Variants in GALNT14 observed in about 807,000 individuals in gnomAD.
GALNT14 encodes UDP-GalNAc:polypeptide N-acetylgalactosaminyltransferase 14.
Under a neutral mutation model 77.5 loss-of-function variants are expected in GALNT14, and 60 were observed. The ratio of observed to expected loss-of-function variants is 0.77; its 90% CI spans 0.63 to 0.96. GALNT14 has a LOEUF of 0.96. GALNT14 is among the 40% of genes least tolerant of loss of function. GALNT14 has a pLI of 0.00. For synonymous variants in GALNT14, 280 were observed against 281.7 expected (o/e 0.99, Z 0.06); for missense variants, 710 against 731.0 (o/e 0.97, Z 0.33).
chr2:31,006,069 T>C (rs1670653265), intron 1 of GALNT14, among the ~76,000 whole-genome samples: 1 of 152,146 alleles, frequency 6.6e-6, no homozygotes, highest in Non-Finnish European at 1.5e-5. Flanking sequence ...TGGTCCCTTC[T>C]CCTCGTCTGA....
intron 1 of GALNT14, among the ~76,000 whole-genome samples, chr2:31,131,575 A>G (rs1158239439): frequency 6.6e-6 from 1 of 152,172 alleles, no homozygotes; most frequent in Admixed American, 6.5e-5. Context: ...GAAATGAAAC[A>G]AGGGCTCAAG....
chr2:31,078,940 C>T (rs1017321900), intron 1 of GALNT14: 9 of 1,289,162 alleles, frequency 7.0e-6, no homozygotes, highest in South Asian at 2.5e-5. Context: ...TCACTGGACA[C>T]GACTCATCTT....
rs1190235505 is a variant in GALNT14 at position 30,999,864 on chromosome 2, G to A, written c.130-6857C>T. Among the ~76,000 whole-genome samples the A allele has an allele frequency of 6.6e-5, 10 of 152,338 alleles. No homozygotes were observed. The East Asian group carries it at 9.6e-4, about 15-fold the overall frequency. ...TGGCACAGTCAGTGCAGGAGAACACGTAAAACCCTATCCAGGGCATTGCTG... is the reference window on the plus strand; with the variant it reads ...TGGCACAGTCAGTGCAGGAGAACACATAAAACCCTATCCAGGGCATTGCTG... On this transcript the variant is annotated intron_variant, in intron 1 of 14. Transcript: ENST00000349752.
chr2:30,993,170 A>G (rs552535697), intron 1 of GALNT14, among the ~76,000 whole-genome samples, 163 bp from the exon 2 acceptor site: 46 of 152,232 alleles, frequency 3.0e-4, no homozygotes, highest in African/African-American at 1.1e-3. Flanking sequence ...AGCAACAATA[A>G]AAACAGAACT....
In GALNT14 at chr2:30,992,924, G is replaced by A. The variant is rs370163151; in HGVS notation, c.213C>T (p.Asp71=). The change falls in exon 2 of 15, where the codon GAC becomes GAT. Residue 71 remains aspartate, a synonymous_variant. Transcript: ENST00000349752. ...YLNAKKWRVG[D]DPYKLYAFNQ... ...TGAAAGCATACAGCTTATAGGGGTC[G>A]TCACCAACGCGCCACTTTTTGGCAT... The A allele has an allele frequency of 1.2e-4, 201 of 1,614,142 alleles. 1 individual carries two copies. Among genetic ancestry groups the A allele is most frequent in the South Asian group, 4.0e-4 (36 of 91,072 alleles).
At chr2:30,924,382 T>C in intron 12 of GALNT14, 119 bp from the exon 13 acceptor site, 1 of 1,090,500 alleles carries the variant, frequency 9.2e-7, no homozygotes, top group Non-Finnish European at 1.4e-6. Context: ...AGAAAATATC[T>C]GCACTGCTCG....
At chr2:30,932,400 G>A (rs530891022) in intron 9 of GALNT14, among the ~76,000 whole-genome samples, 1 of 152,352 alleles carries the variant, frequency 6.6e-6, no homozygotes, top group African/African-American at 2.4e-5. Context: ...GTATAAGTGA[G>A]CAGGGAAACA....
chr2:31,006,985 C>T (rs1035136807), intron 1 of GALNT14, among the ~76,000 whole-genome samples: 6 of 152,118 alleles, frequency 3.9e-5, no homozygotes, highest in African/African-American at 1.4e-4. Context: ...ATCAAGATAC[C>T]CTCTAGCTCT....
At chr2:31,000,291 T>G (rs1401628379) in intron 1 of GALNT14, among the ~76,000 whole-genome samples, 1 of 152,224 alleles carries the variant, frequency 6.6e-6, no homozygotes, top group East Asian at 1.9e-4. Context: ...ACTCAGCTTT[T>G]ACCCAAAGCC....
chr2:31,026,741 G>T (rs1168720587), intron 1 of GALNT14, among the ~76,000 whole-genome samples: 1 of 152,182 alleles, frequency 6.6e-6, no homozygotes, highest in Admixed American at 6.5e-5. Flanking sequence ...AATCTCCAAG[G>T]TTTCTTCCAG....
chr2:31,126,069 G>A (rs1036978295), intron 1 of GALNT14, among the ~76,000 whole-genome samples: 3 of 152,234 alleles, frequency 2.0e-5, no homozygotes, highest in Admixed American at 6.5e-5. Flanking sequence ...GCATTCATAA[G>A]GGGATGTCAG....
At chr2:31,127,284 G>A (rs2148646450) in intron 1 of GALNT14, among the ~76,000 whole-genome samples, 1 of 152,284 alleles carries the variant, frequency 6.6e-6, no homozygotes, top group South Asian at 2.1e-4. Flanking sequence ...CAATCACACA[G>A]CCTGCGGGTC....
chr2:31,116,086 A>G (rs952513164), intron 1 of GALNT14, among the ~76,000 whole-genome samples: 3 of 152,180 alleles, frequency 2.0e-5, no homozygotes, highest in Non-Finnish European at 4.4e-5. Context: ...AAGGAGGGGC[A>G]TGTAAAATCA....
At position 30,955,641 on chromosome 2, in the gene GALNT14, G is replaced by T. The variant is rs200918843; in HGVS notation, c.631C>A (p.Pro211Thr). ...HCEVNRDWLQ[P>T]LLHRVKEDYT... ...ACCTCTTTGACCCTGTGCAACAGAGGCTGGAGCCAGTCCCTGTTCACCTCA... is the reference window on the plus strand; with the variant it reads ...ACCTCTTTGACCCTGTGCAACAGAGTCTGGAGCCAGTCCCTGTTCACCTCA... The change falls in exon 6 of 15, where the codon CCT (proline) becomes ACT (threonine). Residue 211 changes from proline to threonine, a missense_variant. Physicochemically the swap from Pro to Thr is conservative, Grantham distance 38. Transcript: ENST00000349752. The T allele has an allele frequency of 6.2e-7, 1 of 1,614,166 alleles. No homozygotes were observed. Among genetic ancestry groups the T allele is most frequent in the African/African-American group, 1.3e-5 (1 of 75,066 alleles).
At chr2:30,901,508 C>CAT in the GALNT14 span, among the ~76,000 whole-genome samples, 35,056 of 150,344 alleles carry the variant, frequency 0.23, 4,911 homozygotes, top group South Asian at 0.35. Flanking sequence ...TAAATATATT[C>CAT]ATATATATAT....
chr2:31,022,424 T>C (rs10206704), intron 1 of GALNT14, among the ~76,000 whole-genome samples: 65,564 of 152,064 alleles, frequency 0.43, 14,251 homozygotes, highest in East Asian at 0.56. Context: ...TGACCCATTA[T>C]GCAGGCCTAC....
intron 1 of GALNT14, among the ~76,000 whole-genome samples, chr2:31,123,034 T>C (rs889844759): frequency 6.6e-6 from 1 of 151,848 alleles, no homozygotes; most frequent in Non-Finnish European, 1.5e-5. Flanking sequence ...TACAAAAAAT[T>C]AGCCGGGCGG....
At chr2:30,924,872 C>A in intron 11 of GALNT14, 49 bp from the exon 12 acceptor site, 1 of 1,531,862 alleles carries the variant, frequency 6.5e-7, no homozygotes, top group Non-Finnish European at 9.0e-7. Flanking sequence ...ACACAGCTGT[C>A]AGAGGCAGGC....
At chr2:31,046,698 G>A (rs1289735072) in intron 1 of GALNT14, among the ~76,000 whole-genome samples, 1 of 152,110 alleles carries the variant, frequency 6.6e-6, no homozygotes, top group Non-Finnish European at 1.5e-5. Context: ...AGAGGTCAAT[G>A]GCCTACAGAC....
Sources: allele counts gnomAD v4.1 joint callset (sites outside exome capture counted in the v4.1 genomes callset), GRCh38; gene constraint gnomAD v4.1.1; transcripts MANE v1.5; gene names NCBI Gene and HGNC (gene_info 2026-07-23, HGNC 2026-07-21).